The following NRXN1 variants were observed in gnomAD, a reference collection of about 807,000 sequenced individuals.
NRXN1 encodes neurexin-1.
A neutral mutation model predicts 150.9 loss-of-function variants in NRXN1; 39 were observed. That is an observed-to-expected ratio of 0.26 (90% confidence interval 0.20 to 0.34). The LOEUF (loss-of-function observed/expected upper bound fraction) is 0.34. NRXN1 is among the 10% of genes least tolerant of loss of function. The probability of loss-of-function intolerance (pLI) is 1.00; values close to 1 mark genes in which losing one functional copy is unlikely to be tolerated. For missense variants in NRXN1, 1,815 were observed against 1,949.9 expected (o/e 0.93, Z 1.30); for synonymous variants, 924 against 757.0 (o/e 1.22, Z -3.62).
intron 17 of NRXN1, among the ~76,000 whole-genome samples, chr2:50,382,348 C>T (rs1326549896): frequency 6.6e-6 from 1 of 152,078 alleles, no homozygotes; most frequent in African/African-American, 2.4e-5. Flanking sequence ...ATTGGAGTGT[C>T]AAGTGAGAAA....
chr2:50,068,255 A>C (rs1277884889), intron 19 of NRXN1, among the ~76,000 whole-genome samples: 2 of 152,198 alleles, frequency 1.3e-5, no homozygotes, highest in African/African-American at 4.8e-5. Context: ...CAAAGGACCA[A>C]GAGTTGGATA....
At chr2:50,728,924 C>G (rs755688848) in intron 5 of NRXN1, among the ~76,000 whole-genome samples, 1 of 152,156 alleles carries the variant, frequency 6.6e-6, no homozygotes, top group African/African-American at 2.4e-5. Context: ...TGGTTTATGA[C>G]AGTTTGTTGA....
intron 2 of NRXN1, among the ~76,000 whole-genome samples, chr2:50,942,741 T>G (rs2104503607): frequency 6.6e-6 from 1 of 152,290 alleles, no homozygotes; most frequent in East Asian, 1.9e-4. Context: ...TGTTTTTGAT[T>G]TTACAGGCTC....
intron 17 of NRXN1, among the ~76,000 whole-genome samples, chr2:50,314,622 TA>T (rs1176885654): frequency 1.6e-5 from 2 of 121,636 alleles, no homozygotes; most frequent in African/African-American, 4.3e-5. Context: ...AAAATGTCAT[TA>T]TTTTTTTAAT....
intron 18 of NRXN1, among the ~76,000 whole-genome samples, chr2:50,109,604 GA>G (rs1702113766): frequency 6.6e-6 from 1 of 150,484 alleles, no homozygotes. Flanking sequence ...AAAAAAAAAA[GA>G]AACAAATGAA....
intron 18 of NRXN1, among the ~76,000 whole-genome samples, chr2:50,179,025 A>C (rs1162115795): frequency 6.6e-6 from 1 of 152,164 alleles, no homozygotes; most frequent in East Asian, 1.9e-4. Context: ...GAAAATACTG[A>C]AGACTGTATT....
chr2:50,498,005 G>A (rs2091739127), intron 13 of NRXN1, among the ~76,000 whole-genome samples: 1 of 152,092 alleles, frequency 6.6e-6, no homozygotes, highest in African/African-American at 2.4e-5. Context: ...AAATTAGCAA[G>A]AGAGTGAGCA....
intron 21 of NRXN1, among the ~76,000 whole-genome samples, chr2:50,004,711 A>C (rs1432625038): frequency 6.6e-6 from 1 of 152,284 alleles, no homozygotes; most frequent in East Asian, 1.9e-4. Context: ...TTGTGGTAAT[A>C]ATGTAGTTAA....
chr2:50,679,343 A>G (rs1264970149), intron 5 of NRXN1, among the ~76,000 whole-genome samples: 1 of 152,100 alleles, frequency 6.6e-6, no homozygotes, highest in Non-Finnish European at 1.5e-5. Flanking sequence ...CAGCAGACAA[A>G]CAGGCTACTC....
intron 5 of NRXN1, among the ~76,000 whole-genome samples, chr2:50,652,634 A>G (rs768192024): frequency 3.7e-4 from 56 of 152,174 alleles, no homozygotes; most frequent in Middle Eastern, 3.4e-3. Context: ...TGTTATTAAG[A>G]ATGCTGCTGC....
chr2:50,424,095 T>G (rs1298410507), intron 17 of NRXN1, among the ~76,000 whole-genome samples: 1 of 144,602 alleles, frequency 6.9e-6, no homozygotes, highest in African/African-American at 2.6e-5. Context: ...ACCATGATTC[T>G]TTACCTTACA....
At chr2:50,279,158 T>C (rs1156753737) in intron 17 of NRXN1, among the ~76,000 whole-genome samples, 1 of 152,206 alleles carries the variant, frequency 6.6e-6, no homozygotes, top group East Asian at 1.9e-4. Context: ...GGTGTTAGTG[T>C]TACTACTTGT....
At chr2:50,986,659 A>G (rs940011014) in intron 2 of NRXN1, among the ~76,000 whole-genome samples, 4 of 151,728 alleles carry the variant, frequency 2.6e-5, no homozygotes, top group Admixed American at 2.0e-4. Flanking sequence ...CAAACTACAT[A>G]TCTGTAAAAA....
At chr2:50,297,356 T>G (rs1389727662) in intron 17 of NRXN1, among the ~76,000 whole-genome samples, 1 of 152,220 alleles carries the variant, frequency 6.6e-6, no homozygotes, top group Non-Finnish European at 1.5e-5. Flanking sequence ...TAAGAAGTAG[T>G]GCTCATCAGG....
intron 2 of NRXN1, among the ~76,000 whole-genome samples, chr2:51,011,325 C>T: frequency 6.6e-6 from 1 of 151,958 alleles, no homozygotes; most frequent in South Asian, 2.1e-4. Flanking sequence ...GTAGCTCTTA[C>T]GTATATAAAA....
Position 50,277,401 on chromosome 2 carries a change from C to CT in NRXN1, c.3365-40432dup, listed in dbSNP as rs372748048. On this transcript the variant is annotated intron_variant, in intron 17 of 22. Coordinates refer to ENST00000401669, the MANE Select transcript of NRXN1 (RefSeq NM_001330078.2). Reference sequence around the variant, plus strand: ...AGGTCCGTCCTTCCTTCCTTCCTTCCTCCCTCCTTCCCTTCCTTCCTTCCT... The same window carrying CT: ...AGGTCCGTCCTTCCTTCCTTCCTTCCTTCCCTCCTTCCCTTCCTTCCTTCCT... 3.8e-3 allele frequency among the ~76,000 whole-genome samples: 285 copies of CT among 75,114 alleles called. 3 individuals are homozygous for CT. The highest frequency in any genetic ancestry group is 0.012 in the South Asian group (25 of 2,028). The allele number at this position is 75,114 out of a possible 152,430, so 49.3% of individuals were successfully genotyped here. A position where few individuals can be genotyped will look rare whatever the true frequency, so the allele number is the denominator to read the frequency against.
At chr2:50,007,014 C>T (rs1684876657) in intron 21 of NRXN1, among the ~76,000 whole-genome samples, 1 of 152,054 alleles carries the variant, frequency 6.6e-6, no homozygotes, top group South Asian at 2.1e-4. Flanking sequence ...ATTGCATGAC[C>T]TTTTAAGTCC....
chr2:50,881,220 C>T (rs1022623194), intron 5 of NRXN1, among the ~76,000 whole-genome samples: 2 of 151,878 alleles, frequency 1.3e-5, no homozygotes, highest in African/African-American at 4.8e-5. Context: ...GTGATCTCAT[C>T]TTAAATATTT....
intron 5 of NRXN1, among the ~76,000 whole-genome samples, chr2:50,629,366 CA>C (rs1681810912): frequency 6.6e-6 from 1 of 151,452 alleles, no homozygotes; most frequent in Non-Finnish European, 1.5e-5. Flanking sequence ...ATGCCTGACA[CA>C]AAAGAGAACA....
Sources: allele counts gnomAD v4.1 joint callset (sites outside exome capture counted in the v4.1 genomes callset), GRCh38; gene constraint gnomAD v4.1.1; transcripts MANE v1.5; gene names NCBI Gene and HGNC (gene_info 2026-07-23, HGNC 2026-07-21).